Variants in RAB31 observed in about 807,000 individuals in gnomAD.
RAB31 encodes ras-related protein Rab-31.
RAB31 carries 21 observed loss-of-function variants against 25.6 expected under a neutral mutation model. The ratio of observed to expected loss-of-function variants is 0.82; its 90% CI spans 0.58 to 1.18. The LOEUF (loss-of-function observed/expected upper bound fraction) is 1.18. Ranked by LOEUF, RAB31 falls within the 50% of genes most tolerant of loss-of-function variation. The pLI is 0.00. For synonymous variants in RAB31, 87 were observed against 84.0 expected, an observed-to-expected ratio of 1.04 and a Z score of -0.20; for missense variants, 196 against 250.1, an observed-to-expected ratio of 0.78 and a Z score of 1.46.
At chr18:9,748,647 C>T (rs529321428) in intron 1 of RAB31, among the ~76,000 whole-genome samples, 62 of 152,138 alleles carry the variant, frequency 4.1e-4, no homozygotes, top group South Asian at 8.3e-4. Context: ...AATCCCAGCA[C>T]TTTGGGAAGT....
chr18:9,767,111 A>T (rs923934202), intron 1 of RAB31, among the ~76,000 whole-genome samples: 1 of 152,240 alleles, frequency 6.6e-6, no homozygotes, highest in African/African-American at 2.4e-5. Context: ...CCAGAAGGAG[A>T]TGCTGGAATT....
At chr18:9,711,282 T>A (rs528432119) in intron 1 of RAB31, among the ~76,000 whole-genome samples, 1 of 152,332 alleles carries the variant, frequency 6.6e-6, no homozygotes, top group South Asian at 2.1e-4. Context: ...ACTCCTGGGC[T>A]CAGTGGATCC....
intron 6 of RAB31, among the ~76,000 whole-genome samples, chr18:9,857,710 A>G (rs2068825660): frequency 6.6e-6 from 1 of 151,200 alleles, no homozygotes; most frequent in Non-Finnish European, 1.5e-5. Flanking sequence ...ATAGATAGAT[A>G]GATAGATAGA....
At chr18:9,724,139 C>T (rs891101129) in intron 1 of RAB31, among the ~76,000 whole-genome samples, 3 of 150,480 alleles carry the variant, frequency 2.0e-5, no homozygotes, top group African/African-American at 4.9e-5. Context: ...GGCGTAGTGG[C>T]GGGCGCCTGT....
At chr18:9,718,074 C>T (rs2068053396) in intron 1 of RAB31, among the ~76,000 whole-genome samples, 1 of 151,664 alleles carries the variant, frequency 6.6e-6, no homozygotes, top group South Asian at 2.1e-4. Flanking sequence ...TTTTTGGTTT[C>T]TTTTGTAGAG....
At chr18:9,838,680 G>A (rs1384593057) in intron 5 of RAB31, among the ~76,000 whole-genome samples, 6 of 152,196 alleles carry the variant, frequency 3.9e-5, no homozygotes, top group Middle Eastern at 3.2e-3. Context: ...GCTGGAGCCC[G>A]CAAGAATGTT....
At chr18:9,813,330 C>T (rs1197813409) in intron 3 of RAB31, among the ~76,000 whole-genome samples, 3 of 152,194 alleles carry the variant, frequency 2.0e-5, no homozygotes, top group Non-Finnish European at 2.9e-5. Context: ...TGTTCCCTTT[C>T]CCTCTCCTTG....
intron 1 of RAB31, among the ~76,000 whole-genome samples, chr18:9,751,319 A>G (rs1249553008): frequency 1.3e-5 from 2 of 152,124 alleles, no homozygotes; most frequent in Non-Finnish European, 2.9e-5. Context: ...TTTTCTTTTT[A>G]AAATAAAGTC....
intron 1 of RAB31, among the ~76,000 whole-genome samples, chr18:9,752,712 T>C (rs932980647): frequency 5.9e-5 from 9 of 152,252 alleles, no homozygotes; most frequent in African/African-American, 2.2e-4. Context: ...TATGATACTT[T>C]AGTATAGTAG....
chr18:9,815,093 A>T (rs535258916), intron 4 of RAB31, 23 bp from the exon 5 acceptor site: 5 of 1,460,196 alleles, frequency 3.4e-6, no homozygotes, highest in South Asian at 2.4e-5. Flanking sequence ...CTTTCTAATG[A>T]TTTGTGTACA....
At chr18:9,715,528 CTTTTTTTTT>C (rs1161797158) in intron 1 of RAB31, among the ~76,000 whole-genome samples, 1 of 128,196 alleles carries the variant, frequency 7.8e-6, no homozygotes. Flanking sequence ...CTCTCTCTCT[CTTTTTTTTT>C]TTTTTTTTTT....
intron 1 of RAB31, among the ~76,000 whole-genome samples, chr18:9,743,966 A>G (rs922589635): frequency 5.3e-5 from 8 of 152,110 alleles, no homozygotes; most frequent in South Asian, 2.1e-4. Flanking sequence ...CCTCTATATG[A>G]CCCTGTAGGC....
At chr18:9,752,432 C>A (rs2068240191) in intron 1 of RAB31, among the ~76,000 whole-genome samples, 1 of 152,118 alleles carries the variant, frequency 6.6e-6, no homozygotes, top group Admixed American at 6.5e-5. Context: ...GCCATGTTGG[C>A]CAGGCTGGTC....
rs1216565127 is a variant in RAB31 at position 9,825,877 on chromosome 18, G to C, written c.380+10655G>C. Among the ~76,000 whole-genome samples the C allele has an allele frequency of 2.6e-5, 4 of 152,302 alleles. No individual in the cohort carries two copies. The East Asian group carries it at 7.7e-4, about 29-fold the overall frequency. ...ATACTGCATGTTCTTACTTATAAGGGGAAGTAAGCATTGGGCACTCACGGA... is the reference window on the plus strand; with the variant it reads ...ATACTGCATGTTCTTACTTATAAGGCGAAGTAAGCATTGGGCACTCACGGA... On this transcript the variant is annotated intron_variant, in intron 5 of 6. Coordinates refer to ENST00000578921, the MANE Select transcript of RAB31 (RefSeq NM_006868.4).
intron 1 of RAB31, among the ~76,000 whole-genome samples, chr18:9,763,839 A>T (rs2068301167): frequency 6.6e-6 from 1 of 152,132 alleles, no homozygotes; most frequent in Non-Finnish European, 1.5e-5. Context: ...GCTCCTGTGG[A>T]AGATTTACAC....
At position 9,859,920 on chromosome 18, in the gene RAB31, G is replaced by A. The variant is rs2068838727; in HGVS notation, c.*595G>A. 1 of 152,146 alleles carries A rather than the reference G, an allele frequency of 6.6e-6. No homozygotes were observed. Among genetic ancestry groups the A allele is most frequent in the Non-Finnish European group, 1.5e-5 (1 of 68,036 alleles). The allele number at this position is 152,146 out of a possible 1,614,324, so 9.4% of individuals were successfully genotyped here. On this transcript the variant is annotated 3_prime_UTR_variant, in exon 7 of 7. Coordinates refer to ENST00000578921, the MANE Select transcript of RAB31 (RefSeq NM_006868.4). Reference sequence around the variant, plus strand: ...CAGGAAAAGTGTATTAGAAACTGTTGTCTACACCACTTTTAATTGGTGAAC... The same window carrying A: ...CAGGAAAAGTGTATTAGAAACTGTTATCTACACCACTTTTAATTGGTGAAC...
chr18:9,741,483 C>T (rs563408701), intron 1 of RAB31, among the ~76,000 whole-genome samples: 61 of 152,032 alleles, frequency 4.0e-4, no homozygotes, highest in African/African-American at 1.4e-3. Context: ...ACAATACCAC[C>T]GTGGATGGAT....
chr18:9,787,810 C>T (rs2068441325), intron 2 of RAB31: 1 of 152,246 alleles, frequency 6.6e-6, no homozygotes, highest in African/African-American at 2.4e-5. Flanking sequence ...ATTTCACACT[C>T]ACAAGACATC....
In RAB31 at chr18:9,738,392, T is replaced by A. The variant is rs1023869; in HGVS notation, c.39+29948T>A. On this transcript the variant is annotated intron_variant, in intron 1 of 6. Transcript: ENST00000578921. ...TTGGGACTTTTAGCCCCACCACCAATCTCCAGGGAAGGGACCTCCAGGGAA... is the reference window on the plus strand; with the variant it reads ...TTGGGACTTTTAGCCCCACCACCAAACTCCAGGGAAGGGACCTCCAGGGAA... 3.9e-5 allele frequency among the ~76,000 whole-genome samples: 6 copies of A among 152,218 alleles called. No homozygotes were observed. The East Asian group carries it at 7.7e-4, about 20-fold the overall frequency.
Sources: allele counts gnomAD v4.1 joint callset (sites outside exome capture counted in the v4.1 genomes callset), GRCh38; gene constraint gnomAD v4.1.1; transcripts MANE v1.5; gene names NCBI Gene and HGNC (gene_info 2026-07-23, HGNC 2026-07-21).